PARD3B: variants seen among roughly 807,000 people sequenced by gnomAD.
The protein encoded by PARD3B is partitioning defective 3 homolog B.
PARD3B carries 103 observed loss-of-function variants against 130.2 expected under a neutral mutation model. The observed-to-expected ratio is 0.79, with a 90% CI of 0.67 to 0.93. The LOEUF is 0.93. Ranked by LOEUF, PARD3B falls within the 40% of genes least tolerant of loss-of-function variation. PARD3B has a pLI of 0.00. For synonymous variants in PARD3B, 583 were observed against 553.2 expected (o/e 1.05, Z -0.76); for missense variants, 1,609 against 1,499.2 (o/e 1.07, Z -1.21).
intron 3 of PARD3B, among the ~76,000 whole-genome samples, chr2:205,033,254 G>T (rs1302160173): frequency 6.6e-6 from 1 of 152,028 alleles, no homozygotes; most frequent in Non-Finnish European, 1.5e-5. Flanking sequence ...ATTTATAAGG[G>T]AATTACTAAA....
At chr2:205,023,277 C>T (rs1163051216) in intron 3 of PARD3B, among the ~76,000 whole-genome samples, 1 of 152,088 alleles carries the variant, frequency 6.6e-6, no homozygotes, top group African/African-American at 2.4e-5. Context: ...ACATGGTTGG[C>T]ACTCATTAAC....
chr2:205,334,243 C>G (rs1305781456), intron 18 of PARD3B, among the ~76,000 whole-genome samples: 1 of 152,186 alleles, frequency 6.6e-6, no homozygotes, highest in Non-Finnish European at 1.5e-5. Flanking sequence ...AGTGTGCTCT[C>G]ATGCTCATAT....
intron 22 of PARD3B, among the ~76,000 whole-genome samples, chr2:205,579,181 C>T (rs1003718280): frequency 1.3e-4 from 19 of 151,926 alleles, no homozygotes; most frequent in South Asian, 4.2e-4. Flanking sequence ...GAAATGAGAA[C>T]GGTTGAGCAT....
intron 15 of PARD3B, among the ~76,000 whole-genome samples, chr2:205,219,522 G>A (rs1055349021): frequency 2.2e-4 from 34 of 152,202 alleles, no homozygotes; most frequent in African/African-American, 8.2e-4. Flanking sequence ...ATTCTGGGCA[G>A]AAATATAGAC....
At chr2:205,400,567 G>T (rs562668180) in intron 18 of PARD3B, among the ~76,000 whole-genome samples, 20 of 151,930 alleles carry the variant, frequency 1.3e-4, no homozygotes, top group African/African-American at 4.1e-4. Flanking sequence ...CTTGAACCCC[G>T]GGTAGCAGAG....
At chr2:204,693,837 A>G (rs1449902362) in intron 2 of PARD3B, among the ~76,000 whole-genome samples, 1 of 151,940 alleles carries the variant, frequency 6.6e-6, no homozygotes, top group East Asian at 1.9e-4. Context: ...TTTCCTGCCC[A>G]TCGAAGATTC....
intron 2 of PARD3B, among the ~76,000 whole-genome samples, chr2:204,836,135 C>A (rs762207550): frequency 2.0e-4 from 30 of 152,226 alleles, no homozygotes; most frequent in East Asian, 1.5e-3. Context: ...TGATTTTCTT[C>A]CATTGACATA....
rs2042904474 is a variant in PARD3B at position 205,325,402 on chromosome 2, C to T, written c.2630+23701C>T. Among the ~76,000 whole-genome samples, 2 of 152,152 alleles carry T rather than the reference C, an allele frequency of 1.3e-5. No homozygotes were observed. Reference sequence around the variant, plus strand: ...CCCATCCTTCAATCCACACTAACCCCGTGGTCAACTCTTAGTGATGCTTAA... The same window carrying T: ...CCCATCCTTCAATCCACACTAACCCTGTGGTCAACTCTTAGTGATGCTTAA... On this transcript the variant is annotated intron_variant, in intron 18 of 22. Coordinates refer to ENST00000406610, the MANE Select transcript of PARD3B (RefSeq NM_001302769.2). The surrounding 1 kb of genome is among the most constrained non-coding windows in gnomAD (Gnocchi z 4.1).
Position 205,548,843 on chromosome 2 carries a change from T to C in PARD3B, c.3181-4481T>C, listed in dbSNP as rs147095698. On this transcript the variant is annotated intron_variant, in intron 21 of 22. Coordinates refer to ENST00000406610, the MANE Select transcript of PARD3B (RefSeq NM_001302769.2). The stretch of plus-strand genomic sequence containing the variant: ...AGAGAATGAGGAGAGAAGCTACAGA[T>C]TGGGAGAAAAACGTTTGCAAAACAC... Among the ~76,000 whole-genome samples the C allele has an allele frequency of 5.3e-3, 802 of 152,112 alleles. 9 individuals carry two copies. The highest frequency in any genetic ancestry group is 0.018 in the African/African-American group (754 of 41,508).
intron 4 of PARD3B, among the ~76,000 whole-genome samples, chr2:205,088,271 A>G (rs1222046474): frequency 1.3e-5 from 2 of 152,190 alleles, no homozygotes; most frequent in Admixed American, 1.3e-4. Flanking sequence ...CTTTAGAGGG[A>G]AGGATTAAAA....
At chr2:205,372,103 A>T (rs1248921586) in intron 18 of PARD3B, among the ~76,000 whole-genome samples, 1 of 152,208 alleles carries the variant, frequency 6.6e-6, no homozygotes, top group African/African-American at 2.4e-5. Context: ...TCTATTGTAA[A>T]TAATAATGCT....
chr2:205,056,950 A>G (rs1227339194), intron 4 of PARD3B, among the ~76,000 whole-genome samples: 1 of 151,442 alleles, frequency 6.6e-6, no homozygotes, highest in Non-Finnish European at 1.5e-5. Flanking sequence ...ATTCAGCTAT[A>G]TTCTTATGAA....
intron 3 of PARD3B, among the ~76,000 whole-genome samples, chr2:205,036,475 CTA>C (rs1017596715): frequency 2.7e-5 from 4 of 145,988 alleles, no homozygotes; most frequent in African/African-American, 1.0e-4. Flanking sequence ...ATATAGCGGA[CTA>C]TATATATAAA....
At chr2:204,936,517 A>G (rs16836754) in intron 2 of PARD3B, among the ~76,000 whole-genome samples, 4,613 of 152,306 alleles carry the variant, frequency 0.03, 95 homozygotes, top group African/African-American at 0.051. Context: ...GATGGCAAGT[A>G]CTGCTTATTT....
intron 3 of PARD3B, among the ~76,000 whole-genome samples, chr2:204,977,039 A>G (rs1186651314): frequency 6.6e-6 from 1 of 152,186 alleles, no homozygotes; most frequent in Non-Finnish European, 1.5e-5. Flanking sequence ...CTCCTAAACC[A>G]TAAAATTAAA....
chr2:204,641,435 A>C (rs953966635), intron 1 of PARD3B, among the ~76,000 whole-genome samples: 1 of 149,756 alleles, frequency 6.7e-6, no homozygotes, highest in African/African-American at 2.5e-5. Flanking sequence ...TTATGTTGAA[A>C]AGTACTTGGT....
At chr2:205,609,363 A>G (rs1343686162) in intron 22 of PARD3B, among the ~76,000 whole-genome samples, 1 of 152,194 alleles carries the variant, frequency 6.6e-6, no homozygotes, top group African/African-American at 2.4e-5. Context: ...CTCAGCCACT[A>G]AATAATCTAT....
chr2:204,723,992 G>A (rs1235598501), intron 2 of PARD3B, among the ~76,000 whole-genome samples: 1 of 152,110 alleles, frequency 6.6e-6, no homozygotes, highest in East Asian at 1.9e-4. Flanking sequence ...ACAAGAACAT[G>A]AAAAATGTTA....
At chr2:204,905,449 C>A (rs2047010402) in intron 2 of PARD3B, among the ~76,000 whole-genome samples, 2 of 152,108 alleles carry the variant, frequency 1.3e-5, no homozygotes, top group African/African-American at 2.4e-5. Context: ...GTGGTTTATT[C>A]TGATAATTCT....
Sources: allele counts gnomAD v4.1 joint callset (sites outside exome capture counted in the v4.1 genomes callset), GRCh38; gene constraint gnomAD v4.1.1; non-coding constraint Gnocchi (gnomAD v3.1); transcripts MANE v1.5; gene names NCBI Gene and HGNC (gene_info 2026-07-23, HGNC 2026-07-21).